HIVEP3: variants seen among roughly 807,000 people sequenced by gnomAD.
HIVEP3 encodes transcription factor HIVEP3.
In HIVEP3, 49 loss-of-function variants were observed where a neutral mutation model predicts 152.8. The ratio of observed to expected loss-of-function variants is 0.32; its 90% CI spans 0.26 to 0.41. HIVEP3 has a LOEUF of 0.41. HIVEP3 is among the 10% of genes least tolerant of loss of function. HIVEP3 has a pLI of 1.00. For synonymous variants in HIVEP3, 1,269 were observed against 1,289.0 expected, an observed-to-expected ratio of 0.98 and a Z score of 0.33; for missense variants, 2,790 against 3,103.3, an observed-to-expected ratio of 0.90 and a Z score of 2.40.
At chr1:41,527,188 TCACTCC>T (rs2149055867) in intron 5 of HIVEP3, among the ~76,000 whole-genome samples, 1 of 53,386 alleles carries the variant, frequency 1.9e-5, no homozygotes, top group South Asian at 6.6e-4. Context: ...CCACTCACCT[TCACTCC>T]CACTCCCACA....
Position 41,580,366 on chromosome 1 carries a change from C to T in HIVEP3, c.4432G>A (p.Gly1478Arg). The change falls in exon 4 of 9, where the codon GGG becomes AGG. Residue 1478 changes from glycine (G) to arginine (R), a missense_variant. Gly to Arg is a moderately radical substitution (Grantham distance 125). Transcript: ENST00000372583. ...CSVVLTSTED[G>R]KRPEKSHLGN... ...AAGTGGGATTTCTCTGGCCTCTTCC[C>T]ATCCTCGGTGCTGGTAAGGACCACA... 1 of 1,614,206 alleles carries T rather than the reference C, an allele frequency of 6.2e-7. No individual in the cohort carries two copies. Among genetic ancestry groups the T allele is most frequent in the Non-Finnish European group, 8.5e-7 (1 of 1,180,044 alleles).
At position 41,583,976 on chromosome 1, in the gene HIVEP3, C is replaced by G. The variant is rs139245279; in HGVS notation, c.822G>C (p.Glu274Asp). ...EMERIPGEEFEEPTEGESTDS... is the reference protein window; with the variant it reads ...EMERIPGEEFDEPTEGESTDS... ...CTGTGCTTTCTCCCTCAGTGGGCTC[C>G]TCAAACTCTTCCCCAGGGATCCGCT... The change falls in exon 4 of 9, where the codon GAG (glutamate) becomes GAC (aspartate). Residue 274 changes from glutamate (E) to aspartate (D), a missense_variant. Physicochemically the swap from Glu to Asp is conservative, Grantham distance 45. Around this residue, in one of 9 missense-constraint regions of HIVEP3, gnomAD observed 125 missense variants for 130.1 expected, o/e 0.96. Transcript: ENST00000372583. The surrounding 1 kb of genome is among the most constrained non-coding windows in gnomAD (Gnocchi z 6.9). 38 of 1,614,062 alleles carry G rather than the reference C, an allele frequency of 2.4e-5. No homozygotes were observed. Among genetic ancestry groups the G allele is most frequent in the Non-Finnish European group, 3.1e-5 (36 of 1,180,038 alleles).
chr1:41,794,329 C>T (rs1297962425), intron 1 of HIVEP3, among the ~76,000 whole-genome samples: 1 of 152,178 alleles, frequency 6.6e-6, no homozygotes, highest in African/African-American at 2.4e-5. Flanking sequence ...TTATCTCCAC[C>T]TGGCCCCACC....
rs563678700 is a variant in HIVEP3 at position 41,995,676 on chromosome 1, CAAT to C, written n.119+40128_119+40130del. ...ATGATAGGAATAAAATGCATGACAA[CAAT>C]AATTTATGATCAGGAGGGAGGTAAG... On this transcript the variant is annotated intron_variant and non_coding_transcript_variant, in intron 1 of 3. Coordinates refer to the HIVEP3 transcript ENST00000489103. Among the ~76,000 whole-genome samples, 43 of 152,140 alleles carry C rather than the reference CAAT, an allele frequency of 2.8e-4. 1 individual carries two copies. Among genetic ancestry groups the C allele is most frequent in the Non-Finnish European group, 5.4e-4 (37 of 68,030 alleles).
intron 1 of HIVEP3, among the ~76,000 whole-genome samples, chr1:41,992,235 T>G (rs1169322999): frequency 6.6e-6 from 1 of 152,092 alleles, no homozygotes. Flanking sequence ...GACATGATTG[T>G]ATATCTAGAA....
intron 1 of HIVEP3, among the ~76,000 whole-genome samples, chr1:41,722,412 C>G (rs12569349): frequency 3.0e-3 from 386 of 128,420 alleles, no homozygotes; most frequent in East Asian, 0.014. Context: ...GGCCTTCCTT[C>G]CTTCCTTCCT....
rs142711841 is a variant in HIVEP3 at position 41,999,867 on chromosome 1, C to T, written n.119+35940G>A. Reference sequence around the variant, plus strand: ...TTAAAGCAGCAAAAGAGTCAAGCCACGCAGCAAATTGATCCATTCTTTTTT... The same window carrying T: ...TTAAAGCAGCAAAAGAGTCAAGCCATGCAGCAAATTGATCCATTCTTTTTT... On this transcript the variant is annotated intron_variant and non_coding_transcript_variant, in intron 1 of 3. Coordinates refer to the HIVEP3 transcript ENST00000489103. Among the ~76,000 whole-genome samples, 23 of 151,394 alleles carry T rather than the reference C, an allele frequency of 1.5e-4. 1 individual carries two copies. Among genetic ancestry groups the T allele is most frequent in the African/African-American group, 5.3e-4 (22 of 41,160 alleles).
chr1:41,695,712 T>C lies in HIVEP3; in HGVS notation c.-721+5204A>G, dbSNP rs150446229. On this transcript the variant is annotated intron_variant, in intron 2 of 8. Transcript: ENST00000372583. ...ATCCTGTGGGCAGAGAGAAATGCCC[T>C]ACATTCTGAAGCAAGAGCCTGCCAT... Among the ~76,000 whole-genome samples, 361 of 152,356 alleles carry C rather than the reference T, an allele frequency of 2.4e-3. 2 individuals carry two copies. Among genetic ancestry groups the C allele is most frequent in the African/African-American group, 8.2e-3 (342 of 41,584 alleles).
chr1:41,555,368 C>T (rs532420419), intron 5 of HIVEP3, among the ~76,000 whole-genome samples: 22 of 152,196 alleles, frequency 1.4e-4, no homozygotes, highest in Non-Finnish European at 2.2e-4. Context: ...AATATTTGGG[C>T]GGCAGTGTTC....
At chr1:41,590,881 A>G (rs1644577631) in intron 3 of HIVEP3, among the ~76,000 whole-genome samples, 1 of 152,184 alleles carries the variant, frequency 6.6e-6, no homozygotes, top group Non-Finnish European at 1.5e-5. Context: ...TTTGAGACTC[A>G]GGCAGCCTGC....
intron 2 of HIVEP3, among the ~76,000 whole-genome samples, chr1:41,670,673 G>A (rs893236098): frequency 6.6e-6 from 1 of 152,228 alleles, no homozygotes; most frequent in African/African-American, 2.4e-5. Context: ...GCAGGGGTGG[G>A]AGATGAGTCA....
At chr1:41,810,884 T>C (rs903880487) in intron 1 of HIVEP3, among the ~76,000 whole-genome samples, 2 of 152,240 alleles carry the variant, frequency 1.3e-5, no homozygotes, top group Admixed American at 1.3e-4. Context: ...ATGTGGCTTA[T>C]GGATTTGCCT....
intron 5 of HIVEP3, among the ~76,000 whole-genome samples, chr1:41,567,397 G>C (rs1396073233): frequency 1.3e-5 from 2 of 152,198 alleles, no homozygotes; most frequent in Non-Finnish European, 2.9e-5. Flanking sequence ...AGGAGAGAGG[G>C]GGCAACAGGA....
chr1:41,810,965 C>T (rs745504955), intron 1 of HIVEP3, among the ~76,000 whole-genome samples: 1 of 152,248 alleles, frequency 6.6e-6, no homozygotes, highest in Non-Finnish European at 1.5e-5. Flanking sequence ...TATTTCTTGG[C>T]CTTGTGCCCT....
At chr1:41,700,097 T>C (rs1157809654) in intron 2 of HIVEP3, among the ~76,000 whole-genome samples, 3 of 152,190 alleles carry the variant, frequency 2.0e-5, no homozygotes, top group Non-Finnish European at 4.4e-5. Flanking sequence ...TTCCTTGAAC[T>C]ACCCCCACAA....
chr1:41,670,825 C>T (rs753370132), intron 2 of HIVEP3, among the ~76,000 whole-genome samples: 10 of 152,144 alleles, frequency 6.6e-5, no homozygotes, highest in South Asian at 2.1e-4. Flanking sequence ...AAAGGCCCTG[C>T]GTCGGGCATA....
chr1:41,716,757 C>A (rs1426787396), intron 1 of HIVEP3, among the ~76,000 whole-genome samples: 1 of 152,176 alleles, frequency 6.6e-6, no homozygotes, highest in Admixed American at 6.5e-5. Flanking sequence ...AGGCTGCATC[C>A]TCCTGCAGGC....
At chr1:41,606,616 T>A (rs1644825738) in intron 3 of HIVEP3, among the ~76,000 whole-genome samples, 1 of 151,988 alleles carries the variant, frequency 6.6e-6, no homozygotes, top group African/African-American at 2.4e-5. Flanking sequence ...CCTCATTTAA[T>A]AATTATTTTG....
chr1:42,012,287 T>C (rs1308921206), intron 1 of HIVEP3, among the ~76,000 whole-genome samples: 1 of 152,158 alleles, frequency 6.6e-6, no homozygotes, highest in Non-Finnish European at 1.5e-5. Context: ...ATGTTATGAA[T>C]GGAGTGTTTG....
Sources: allele counts gnomAD v4.1 joint callset (sites outside exome capture counted in the v4.1 genomes callset), GRCh38; gene constraint gnomAD v4.1.1; regional missense constraint gnomAD v4.1.1; non-coding constraint Gnocchi (gnomAD v3.1); transcripts MANE v1.5; gene names NCBI Gene and HGNC (gene_info 2026-07-23, HGNC 2026-07-21).